The following COL11A1 variants were observed in gnomAD, a reference collection of about 807,000 sequenced individuals.
COL11A1 encodes the protein collagen alpha-1(XI) chain.
In COL11A1, 74 loss-of-function variants were observed where a neutral mutation model predicts 265.2. The observed-to-expected ratio is 0.28, with a 90% CI of 0.23 to 0.34. The LOEUF (loss-of-function observed/expected upper bound fraction) is 0.34, where lower values mean the gene tolerates loss of function less well. Among genes scored for constraint, COL11A1 ranks in the 10% least tolerant of loss-of-function variants. COL11A1 has a pLI of 1.00. For missense variants in COL11A1, 2,165 were observed against 2,263.6 expected, an observed-to-expected ratio of 0.96 and a Z score of 0.88; for synonymous variants, 816 against 727.6, an observed-to-expected ratio of 1.12 and a Z score of -1.96.
chr1:102,897,746 G>A (rs58451159), intron 57 of COL11A1, among the ~76,000 whole-genome samples: 2,963 of 152,126 alleles, frequency 0.019, 119 homozygotes, highest in African/African-American at 0.067. Context: ...AATTTGTTTC[G>A]TCAAAGAATC....
At chr1:102,881,830 T>C in intron 64 of COL11A1, 65 bp from the exon 65 acceptor site, 2 of 1,152,694 alleles carry the variant, frequency 1.7e-6, no homozygotes. Context: ...AGTATTTTTA[T>C]ATACATATAA....
chr1:102,986,430 G>A (rs1300886703), intron 30 of COL11A1, among the ~76,000 whole-genome samples: 1 of 111,992 alleles, frequency 8.9e-6, no homozygotes, highest in Non-Finnish European at 1.7e-5. Context: ...GGGGGAGGGG[G>A]GAGGGATAGC....
rs1349813614 is a variant in COL11A1, at chr1:102,898,778, TAGAA to T, written c.4141-9_4141-6del. On this transcript the variant is annotated splice_polypyrimidine_tract_variant and splice_region_variant and intron_variant, in intron 55 of 66. Coordinates refer to ENST00000370096, the MANE Select transcript of COL11A1 (RefSeq NM_001854.4). The stretch of plus-strand genomic sequence containing the variant: ...ACCTTCTGCACCTGCTTCCCCCTGT[TAGAA>T]AGTAAAATATGGGAGCACATTAGTG... 6.2e-7 allele frequency: 1 copy of T among 1,611,712 alleles called. No individual in the cohort carries two copies. The highest frequency in any genetic ancestry group is 1.7e-5 in the Admixed American group (1 of 59,912).
At chr1:102,962,473 G>A (rs551115205) in intron 39 of COL11A1, among the ~76,000 whole-genome samples, 180 bp downstream of exon 39, 1 of 152,198 alleles carries the variant, frequency 6.6e-6, no homozygotes, top group Admixed American at 6.5e-5. Flanking sequence ...TATGGTCAAC[G>A]GAGCTAACGG....
intron 4 of COL11A1, among the ~76,000 whole-genome samples, chr1:103,070,271 G>A (rs1488874351): frequency 2.0e-5 from 3 of 150,098 alleles, no homozygotes; most frequent in African/African-American, 7.3e-5. Flanking sequence ...TAATTCTTAA[G>A]ATCATTATAC....
intron 26 of COL11A1, 115 bp from the exon 27 acceptor site, chr1:102,996,157 T>G: frequency 1.9e-6 from 2 of 1,040,304 alleles, no homozygotes; most frequent in South Asian, 2.8e-5. Flanking sequence ...ACTGCTAATA[T>G]TTGATAAAGA....
chr1:102,982,564 G>T (rs536995546), intron 31 of COL11A1, among the ~76,000 whole-genome samples: 9 of 152,024 alleles, frequency 5.9e-5, no homozygotes, highest in Non-Finnish European at 1.0e-4. Flanking sequence ...ATATTTAAAT[G>T]ATAAAAAGTA....
intron 37 of COL11A1, 141 bp from the exon 38 acceptor site, chr1:102,965,681 T>C: frequency 3.0e-6 from 2 of 669,048 alleles, no homozygotes; most frequent in Non-Finnish European, 5.3e-6. Context: ...CTTAAATATG[T>C]TTAATATGTT....
At chr1:102,994,326 T>A (rs1324059110) in intron 28 of COL11A1, among the ~76,000 whole-genome samples, 1 of 151,890 alleles carries the variant, frequency 6.6e-6, no homozygotes, top group Non-Finnish European at 1.5e-5. Flanking sequence ...GGATTTCCAT[T>A]GAATGGTTTA....
In COL11A1 at chr1:103,106,206, T is replaced by G. The variant is rs563001244; in HGVS notation, c.106+1867A>C. Among the ~76,000 whole-genome samples the G allele has an allele frequency of 1.6e-4, 25 of 152,202 alleles. No individual in the cohort carries two copies. In the South Asian group the frequency reaches 4.8e-3, roughly 29 times the overall value. Reference sequence around the variant, plus strand: ...TATTCACATATCGCCACAGAAAGGCTCAATGTGGAAAATAAAAATAAATAG... The same window carrying G: ...TATTCACATATCGCCACAGAAAGGCGCAATGTGGAAAATAAAAATAAATAG... On this transcript the variant is annotated intron_variant, in intron 1 of 66. Transcript: ENST00000370096.
intron 39 of COL11A1, 86 bp from the exon 40 acceptor site, chr1:102,962,351 G>A: frequency 9.7e-7 from 1 of 1,033,896 alleles, no homozygotes; most frequent in Non-Finnish European, 1.5e-6. Context: ...CTAAACTACT[G>A]TAAGTAAAAT....
chr1:102,922,598 A>G (rs550525784), intron 47 of COL11A1, among the ~76,000 whole-genome samples: 3 of 152,030 alleles, frequency 2.0e-5, no homozygotes, highest in African/African-American at 7.2e-5. Flanking sequence ...ACGGGGTTTC[A>G]CCGTGTTAGC....
rs539777727 is a variant in COL11A1, at chr1:102,912,858, T to C, written c.4033-646A>G. On this transcript the variant is annotated intron_variant, in intron 53 of 66. Coordinates refer to ENST00000370096, the MANE Select transcript of COL11A1 (RefSeq NM_001854.4). ...TTTGCACTCCTCTCTCCTACTGCCA[T>C]GTGAAGAAAGACATGCTTGCTTCGC... Among the ~76,000 whole-genome samples, 110 of 152,310 alleles carry C rather than the reference T, an allele frequency of 7.2e-4. 1 individual carries two copies. The highest frequency in any genetic ancestry group is 2.3e-3 in the African/African-American group (96 of 41,564).
Position 102,962,299 on chromosome 1 carries a change from T to C in COL11A1, c.3025-34A>G, listed in dbSNP as rs760785347. On this transcript the variant is annotated intron_variant, in intron 39 of 66. Coordinates refer to ENST00000370096, the MANE Select transcript of COL11A1 (RefSeq NM_001854.4). ...TATAATAAACATCGTCAAGACAGAT[T>C]AATTTCTACACATCTTTCTACAAAC... The C allele has an allele frequency of 9.4e-6, 14 of 1,485,998 alleles. No homozygotes were observed. In the Admixed American group the frequency reaches 1.2e-4, roughly 12 times the overall value. 92.1% of individuals were successfully genotyped at this position (1,485,998 alleles called of 1,614,324 possible). A position where few individuals can be genotyped will look rare whatever the true frequency, so the allele number is the denominator to read the frequency against.
chr1:102,993,923 G>A (rs1189451642), intron 28 of COL11A1, among the ~76,000 whole-genome samples: 1 of 152,136 alleles, frequency 6.6e-6, no homozygotes, highest in Non-Finnish European at 1.5e-5. Flanking sequence ...AGAACCCATA[G>A]GGAGAGCCAA....
chr1:103,012,897 C>T (rs995067233), intron 13 of COL11A1, among the ~76,000 whole-genome samples: 3 of 151,978 alleles, frequency 2.0e-5, no homozygotes, highest in Admixed American at 1.3e-4. Flanking sequence ...AAGCCAGACA[C>T]CATAAAACAA....
rs1004192860 is a variant in COL11A1 at position 102,989,502 on chromosome 1, T to C, written c.2394+16A>G. ...ATTAAATTTTGTGTACTGGTGTACA[T>C]TTTCTCTATACTTACTCTGTCACCT... is the stretch of plus-strand genomic sequence containing the variant. On this transcript the variant is annotated intron_variant, in intron 29 of 66. Coordinates refer to ENST00000370096, the MANE Select transcript of COL11A1 (RefSeq NM_001854.4). 9 of 1,586,842 alleles carry C rather than the reference T, an allele frequency of 5.7e-6. No individual in the cohort carries two copies. In the African/African-American group the frequency reaches 1.1e-4, roughly 19 times the overall value.
chr1:103,049,646 T>C (rs1478928158), intron 4 of COL11A1, among the ~76,000 whole-genome samples: 1 of 152,224 alleles, frequency 6.6e-6, no homozygotes. Flanking sequence ...GCCATTATGA[T>C]GTCAGCTGGC....
At chr1:103,060,341 A>C (rs991247399) in intron 4 of COL11A1, among the ~76,000 whole-genome samples, 4 of 152,158 alleles carry the variant, frequency 2.6e-5, no homozygotes, top group Non-Finnish European at 5.9e-5. Context: ...CTGCCTTGCA[A>C]GCAATGTTAA....
Sources: allele counts gnomAD v4.1 joint callset (sites outside exome capture counted in the v4.1 genomes callset), GRCh38; gene constraint gnomAD v4.1.1; transcripts MANE v1.5; gene names NCBI Gene and HGNC (gene_info 2026-07-23, HGNC 2026-07-21).